ZNF608: variants seen among roughly 807,000 people sequenced by gnomAD.
The protein encoded by ZNF608 is renal carcinoma antigen NY-REN-36.
ZNF608 carries 12 observed loss-of-function variants against 109.0 expected under a neutral mutation model. That is an observed-to-expected ratio of 0.11 (90% CI 0.07 to 0.18). ZNF608 has a LOEUF of 0.18. ZNF608 is among the 10% of genes least tolerant of loss of function. ZNF608 has a pLI of 1.00. For synonymous variants in ZNF608, 732 were observed against 717.4 expected, an observed-to-expected ratio of 1.02 and a Z score of -0.33; for missense variants, 1,707 against 1,879.3, an observed-to-expected ratio of 0.91 and a Z score of 1.70.
At chr5:124,664,270 G>A (rs985822071) in intron 3 of ZNF608, among the ~76,000 whole-genome samples, 8 of 152,082 alleles carry the variant, frequency 5.3e-5, no homozygotes, top group African/African-American at 1.7e-4. Context: ...TAATAAAGAT[G>A]GAAACTGCAG....
intron 3 of ZNF608, among the ~76,000 whole-genome samples, chr5:124,685,537 T>C (rs1235582874): frequency 6.6e-6 from 1 of 151,960 alleles, no homozygotes; most frequent in East Asian, 1.9e-4. Flanking sequence ...TGGTAGAGTA[T>C]CTGCATCTCC....
chr5:124,747,767 A>C (rs984621850), upstream of ZNF608, among the ~76,000 whole-genome samples: 2 of 152,192 alleles, frequency 1.3e-5, no homozygotes, highest in African/African-American at 4.8e-5. Context: ...TTAAAGAAAC[A>C]CTTTATAAAC....
At chr5:124,704,868 T>C (rs4376260) in intron 2 of ZNF608, among the ~76,000 whole-genome samples, 10,582 of 152,010 alleles carry the variant, frequency 0.07, 571 homozygotes, top group African/African-American at 0.15. Context: ...ATAAGCTGTC[T>C]CTAGTGGCAG....
intron 3 of ZNF608, among the ~76,000 whole-genome samples, chr5:124,679,249 G>T (rs1048567283): frequency 1.3e-5 from 2 of 152,214 alleles, no homozygotes; most frequent in African/African-American, 4.8e-5. Context: ...CCCTCTGGGT[G>T]CCTGTGTAGG....
intron 2 of ZNF608, among the ~76,000 whole-genome samples, chr5:124,711,688 G>A (rs1048502963): frequency 1.3e-5 from 2 of 152,338 alleles, no homozygotes; most frequent in East Asian, 1.9e-4. Context: ...GTGGGGAGAT[G>A]AGCAGTGGCC....
intron 7 of ZNF608, among the ~76,000 whole-genome samples, 196 bp downstream of exon 7, chr5:124,643,315 C>T (rs1367175264): frequency 1.3e-5 from 2 of 152,150 alleles, no homozygotes; most frequent in Non-Finnish European, 2.9e-5. Flanking sequence ...TACTGCCATA[C>T]GTGCTTTAAC....
chr5:124,737,917 G>C (rs905767724), intron 2 of ZNF608, among the ~76,000 whole-genome samples: 4 of 152,170 alleles, frequency 2.6e-5, no homozygotes, highest in Non-Finnish European at 4.4e-5. Flanking sequence ...TTGTGACAGG[G>C]AGCAAGTAGT....
At position 124,683,651 on chromosome 5, in the gene ZNF608, T is replaced by TA. The variant is rs565498484; in HGVS notation, c.1162+17362dup. Among the ~76,000 whole-genome samples, 288 of 152,290 alleles carry TA rather than the reference T, an allele frequency of 1.9e-3. 1 individual carries two copies. Among genetic ancestry groups the TA allele is most frequent in the Non-Finnish European group, 1.7e-3 (115 of 68,018 alleles). ...GAAATATGAAACTACTGTTCTTTGTTATGGGCCTTGTAGAGCTATGTGGCT... is the reference window on the plus strand; with the variant it reads ...GAAATATGAAACTACTGTTCTTTGTTAATGGGCCTTGTAGAGCTATGTGGCT... On this transcript the variant is annotated intron_variant, in intron 3 of 9. Transcript: ENST00000513986.
At position 124,656,875 on chromosome 5, in the gene ZNF608, A is replaced by G. The variant is rs1045532830; in HGVS notation, c.1163-7178T>C. On this transcript the variant is annotated intron_variant, in intron 3 of 9. Coordinates refer to ENST00000513986, the MANE Select transcript of ZNF608 (RefSeq NM_020747.3). ...ACAGCTAAAGAAACCTTGTTTCCCC[A>G]TGGGCCTTATGGTTTAATACACAAA... is the stretch of plus-strand genomic sequence containing the variant. 8.8e-5 allele frequency among the ~76,000 whole-genome samples: 13 copies of G among 147,794 alleles called. No individual in the cohort carries two copies. In the East Asian group the frequency reaches 1.6e-3, roughly 18 times the overall value.
chr5:124,684,115 G>T, intron 3 of ZNF608, among the ~76,000 whole-genome samples: 1 of 152,132 alleles, frequency 6.6e-6, no homozygotes, highest in Non-Finnish European at 1.5e-5. Flanking sequence ...CATTCAACAG[G>T]ACTTTGCACT....
chr5:124,665,376 T>C (rs1369810270), intron 3 of ZNF608, among the ~76,000 whole-genome samples: 3 of 152,206 alleles, frequency 2.0e-5, no homozygotes, highest in Admixed American at 2.0e-4. Flanking sequence ...TGAACTGCCA[T>C]GCTTCAATCA....
chr5:124,696,142 C>T (rs553498363), intron 3 of ZNF608, among the ~76,000 whole-genome samples: 1 of 151,906 alleles, frequency 6.6e-6, no homozygotes, highest in African/African-American at 2.4e-5. Context: ...AAAGATCATG[C>T]CACTGCACTC....
intron 2 of ZNF608, among the ~76,000 whole-genome samples, chr5:124,716,335 T>TA (rs535459904): frequency 0.12 from 16,764 of 142,876 alleles, 2,686 homozygotes; most frequent in African/African-American, 0.37. Context: ...TTTCATTTAA[T>TA]AAAAAAAAAA....
At position 124,662,469 on chromosome 5, in the gene ZNF608, A is replaced by G. The variant is rs143839277; in HGVS notation, c.1163-12772T>C. Among the ~76,000 whole-genome samples the G allele has an allele frequency of 1.5e-4, 23 of 152,354 alleles. No individual in the cohort carries two copies. In the East Asian group the frequency reaches 3.7e-3, roughly 24 times the overall value. On this transcript the variant is annotated intron_variant, in intron 3 of 9. Coordinates refer to ENST00000513986, the MANE Select transcript of ZNF608 (RefSeq NM_020747.3). ...GGGACTAAGGCGTGTGAGCCAATCAATCACACTCTCTGACAGCTTTTACTG... is the reference window on the plus strand; with the variant it reads ...GGGACTAAGGCGTGTGAGCCAATCAGTCACACTCTCTGACAGCTTTTACTG...
intron 2 of ZNF608, among the ~76,000 whole-genome samples, chr5:124,743,389 G>A (rs1749498841): frequency 6.6e-6 from 1 of 152,172 alleles, no homozygotes; most frequent in African/African-American, 2.4e-5. Context: ...TAAGAACTGG[G>A]TGAGGGAACA....
At chr5:124,699,533 AG>A (rs1443731330) in intron 3 of ZNF608, among the ~76,000 whole-genome samples, 1 of 152,218 alleles carries the variant, frequency 6.6e-6, no homozygotes, top group Non-Finnish European at 1.5e-5. Flanking sequence ...AGCAAACAAA[AG>A]CTGACCATAG....
chr5:124,653,898 G>C (rs989557726), intron 3 of ZNF608, among the ~76,000 whole-genome samples: 11 of 152,170 alleles, frequency 7.2e-5, no homozygotes, highest in African/African-American at 2.4e-5. Flanking sequence ...TGCACTGTTG[G>C]TGCAACACCC....
chr5:124,722,488 T>C (rs556602500), intron 2 of ZNF608, among the ~76,000 whole-genome samples: 5 of 152,072 alleles, frequency 3.3e-5, no homozygotes, highest in African/African-American at 9.6e-5. Flanking sequence ...TTTGACCAAG[T>C]ACACTAATTA....
intron 3 of ZNF608, among the ~76,000 whole-genome samples, chr5:124,668,280 A>G (rs1013002858): frequency 2.7e-5 from 4 of 149,002 alleles, no homozygotes; most frequent in Admixed American, 6.7e-5. Flanking sequence ...TTGCACCTAT[A>G]GTTCCAGCTA....
Sources: gnomAD v4.1 joint callset for allele counts (sites outside exome capture counted in the v4.1 genomes callset) on GRCh38, gnomAD v4.1.1 for gene constraint, MANE v1.5 for transcripts, NCBI Gene and HGNC (gene_info 2026-07-23, HGNC 2026-07-21) for gene names.